The following NUBP1 variants were observed in gnomAD, a reference collection of about 807,000 sequenced individuals.
NUBP1 encodes cytosolic Fe-S cluster assembly factor NUBP1.
NUBP1 carries 46 observed loss-of-function variants against 41.8 expected under a neutral mutation model. That is an observed-to-expected ratio of 1.10 (90% confidence interval 0.87 to 1.41). The LOEUF (loss-of-function observed/expected upper bound fraction) is 1.41. NUBP1 is among the 40% of genes most tolerant of loss of function. The pLI, the probability that NUBP1 is intolerant of heterozygous loss-of-function variation, is 0.00. For synonymous variants in NUBP1, 189 were observed against 154.6 expected, an observed-to-expected ratio of 1.22 and a Z score of -1.65; for missense variants, 494 against 414.0, an observed-to-expected ratio of 1.19 and a Z score of -1.68.
At chr16:10,763,293 T>C (rs949612311) in intron 9 of NUBP1, among the ~76,000 whole-genome samples, 2 of 150,700 alleles carry the variant, frequency 1.3e-5, no homozygotes, top group Non-Finnish European at 3.0e-5. Flanking sequence ...CAAGGGGCCG[T>C]GCAGAAAGCG....
intron 9 of NUBP1, among the ~76,000 whole-genome samples, chr16:10,763,062 G>T (rs2030249944): frequency 6.6e-6 from 1 of 152,110 alleles, no homozygotes; most frequent in Non-Finnish European, 1.5e-5. Flanking sequence ...CGGCATCTGA[G>T]GGTCAAGGTT....
rs1231154275 is a variant in NUBP1 at position 10,767,598 on chromosome 16, G to A, written c.821-351G>A. ...TTTATGCCATATCCTTTTGCATTCT[G>A]TACTTTTTTTAACCATGTGCATTCA... On this transcript the variant is annotated intron_variant, in intron 9 of 10. Coordinates refer to ENST00000283027, the MANE Select transcript of NUBP1 (RefSeq NM_002484.4). The surrounding 1 kb of genome is among the most constrained non-coding windows in gnomAD (Gnocchi z 4.6). 4.4e-6 allele frequency: 2 copies of A among 454,990 alleles called. No individual in the cohort carries two copies. The highest frequency in any genetic ancestry group is 3.9e-5 in the Admixed American group (1 of 25,886). The allele number at this position is 454,990 out of a possible 1,614,324, so 28.2% of individuals were successfully genotyped here.
intron 9 of NUBP1, among the ~76,000 whole-genome samples, chr16:10,764,307 A>G (rs1461552449): frequency 2.0e-5 from 3 of 152,004 alleles, no homozygotes; most frequent in Non-Finnish European, 4.4e-5. Context: ...GTATTTGTCT[A>G]TTGGAGCATC....
rs769338852 is a variant in NUBP1, at chr16:10,767,958, G to C, written c.830G>C (p.Cys277Ser). Residue 277 changes from cysteine (C) to serine (S), a missense_variant, in exon 10 of 11, where the codon TGT becomes TCT. Cys to Ser is a moderately radical substitution (Grantham distance 112). Transcript: ENST00000283027. The surrounding 1 kb of genome is among the most constrained non-coding windows in gnomAD (Gnocchi z 4.6). ...TTGTTTCTTTTTTAAGGTAAGAATT[G>C]TGACAAAGGCCAGTCTTTTTTCATT... is the stretch of plus-strand genomic sequence containing the variant. ...VPLDPLIGKN[C>S]DKGQSFFIDA... The C allele has an allele frequency of 6.2e-7, 1 of 1,614,102 alleles. No homozygotes were observed. Among genetic ancestry groups the C allele is most frequent in the Non-Finnish European group, 8.5e-7 (1 of 1,179,994 alleles).
chr16:10,743,900 GC>G lies in NUBP1; in HGVS notation c.19+19del. 6.4e-7 allele frequency: 1 copy of G among 1,572,366 alleles called. No individual in the cohort carries two copies. The highest frequency in any genetic ancestry group is 8.6e-7 in the Non-Finnish European group (1 of 1,160,794). The stretch of plus-strand genomic sequence containing the variant: ...GCCTCACGGTAAGCTCGCGGAGGGG[GC>G]GTGGGTCGCGGGGCGAAAGTGTCGG... On this transcript the variant is annotated intron_variant, in intron 1 of 10. Coordinates refer to ENST00000283027, the MANE Select transcript of NUBP1 (RefSeq NM_002484.4).
Position 10,759,599 on chromosome 16 carries a change from C to A in NUBP1, c.606+1572C>A, listed in dbSNP as rs1032396264. 7.9e-5 allele frequency among the ~76,000 whole-genome samples: 12 copies of A among 152,092 alleles called. No homozygotes were observed. The highest frequency in any genetic ancestry group is 1.3e-4 in the Non-Finnish European group (9 of 68,018). On this transcript the variant is annotated intron_variant, in intron 7 of 10. Coordinates refer to ENST00000283027, the MANE Select transcript of NUBP1 (RefSeq NM_002484.4). This position sits in a 1 kb window ranked among gnomAD's most constrained non-coding sequence, Gnocchi z 4.7. ...GACCAGACTGGCCAATATGGCAAAA[C>A]CCTGTCTCTACCAAAAAAATACAAA... is the stretch of plus-strand genomic sequence containing the variant.
At chr16:10,761,904 C>T in intron 9 of NUBP1, 45 bp downstream of exon 9, 2 of 1,482,738 alleles carry the variant, frequency 1.3e-6, no homozygotes, top group Non-Finnish European at 1.9e-6. Flanking sequence ...CTCGGTCAGC[C>T]CCACAGGCAC....
At position 10,766,485 on chromosome 16, in the gene NUBP1, G is replaced by A. The variant is rs1302594914; in HGVS notation, c.821-1464G>A. ...CCCTCTGGGGAAGGGAGACCTGGGT[G>A]AAAGTCAGGGACAGAAAGTAGCCCC... On this transcript the variant is annotated intron_variant, in intron 9 of 10. Transcript: ENST00000283027. The surrounding 1 kb of genome is among the most constrained non-coding windows in gnomAD (Gnocchi z 4.8). Among the ~76,000 whole-genome samples the A allele has an allele frequency of 4.6e-5, 7 of 152,172 alleles. No individual in the cohort carries two copies. The highest frequency in any genetic ancestry group is 1.0e-4 in the Non-Finnish European group (7 of 68,018).
chr16:10,755,777 A>G (rs1418776306), intron 5 of NUBP1, 24 bp downstream of exon 5: 1 of 1,611,924 alleles, frequency 6.2e-7, no homozygotes, highest in Non-Finnish European at 8.5e-7. Flanking sequence ...TCTTTGCCCT[A>G]TTTTCACAGT....
chr16:10,763,286 G>A (rs1311714952), intron 9 of NUBP1, among the ~76,000 whole-genome samples: 1 of 152,078 alleles, frequency 6.6e-6, no homozygotes, highest in Non-Finnish European at 1.5e-5. Flanking sequence ...GGATTGCCAA[G>A]GGGCCGTGCA....
In NUBP1 at chr16:10,759,731, G is replaced by A. The variant is rs1419816456; in HGVS notation, c.607-1633G>A. 5.9e-5 allele frequency among the ~76,000 whole-genome samples: 9 copies of A among 152,176 alleles called. No individual in the cohort carries two copies. The East Asian group carries it at 9.6e-4, about 16-fold the overall frequency. On this transcript the variant is annotated intron_variant, in intron 7 of 10. Coordinates refer to ENST00000283027, the MANE Select transcript of NUBP1 (RefSeq NM_002484.4). This position sits in a 1 kb window ranked among gnomAD's most constrained non-coding sequence, Gnocchi z 4.7. The stretch of plus-strand genomic sequence containing the variant: ...ACAGAGGTTGCAGTGAGCCGAGATC[G>A]CGCCACTGCACTCCAGCCTGGGCGA...
At chr16:10,763,297 G>A (rs942556691) in intron 9 of NUBP1, among the ~76,000 whole-genome samples, 1 of 152,056 alleles carries the variant, frequency 6.6e-6, no homozygotes, top group Non-Finnish European at 1.5e-5. Flanking sequence ...GGGCCGTGCA[G>A]AAAGCGGGAG....
intron 6 of NUBP1, 39 bp downstream of exon 6, chr16:10,756,819 C>A: frequency 6.5e-7 from 1 of 1,542,776 alleles, no homozygotes; most frequent in Non-Finnish European, 8.8e-7. Flanking sequence ...CACATTCTTC[C>A]ACGAGCGTTG....
At position 10,765,487 on chromosome 16, in the gene NUBP1, G is replaced by C. The variant is rs578099262; in HGVS notation, c.821-2462G>C. Among the ~76,000 whole-genome samples, 1 of 152,016 alleles carries C rather than the reference G, an allele frequency of 6.6e-6. No homozygotes were observed. The highest frequency in any genetic ancestry group is 1.9e-4 in the East Asian group (1 of 5,194). ...CACACCACTGCACTCCAGCCTGGGC[G>C]ACAGAGCAAGAACCTGTCTCAAAAA... On this transcript the variant is annotated intron_variant, in intron 9 of 10. Transcript: ENST00000283027. This position sits in a 1 kb window ranked among gnomAD's most constrained non-coding sequence, Gnocchi z 4.0.
In NUBP1 at chr16:10,752,636, T is replaced by G; in HGVS notation, c.285T>G (p.Cys95Trp). The part of the protein sequence containing the change: ...TQIALLDIDI[C>W]GPSIPKIMGL... The stretch of plus-strand genomic sequence containing the variant: ...TTGCTCTTCTAGACATCGATATATG[T>G]GGGCCATCGATTCCCAAGATAATGG... Residue 95 changes from cysteine (C) to tryptophan (W), a missense_variant, in exon 4 of 11, where the codon TGT (cysteine) becomes TGG (tryptophan). Coordinates refer to ENST00000283027, the MANE Select transcript of NUBP1 (RefSeq NM_002484.4). The G allele has an allele frequency of 6.2e-7, 1 of 1,613,848 alleles. No homozygotes were observed. The highest frequency in any genetic ancestry group is 8.5e-7 in the Non-Finnish European group (1 of 1,179,798).
chr16:10,752,633 A>T lies in NUBP1; in HGVS notation c.282A>T (p.Ile94=). ...AGATTGCTCTTCTAGACATCGATAT[A>T]TGTGGGCCATCGATTCCCAAGATAA... ...NTQIALLDID[I]CGPSIPKIMG... is the part of the protein sequence containing the mutation. Residue 94 remains isoleucine (I), a synonymous_variant, in exon 4 of 11, where the codon ATA becomes ATT. Transcript: ENST00000283027. 1.2e-6 allele frequency: 2 copies of T among 1,613,700 alleles called. No homozygotes were observed. The highest frequency in any genetic ancestry group is 1.7e-6 in the Non-Finnish European group (2 of 1,179,714).
intron 7 of NUBP1, among the ~76,000 whole-genome samples, chr16:10,758,948 G>A (rs781495892): frequency 2.0e-5 from 3 of 152,184 alleles, no homozygotes; most frequent in African/African-American, 4.8e-5. Context: ...GCAACTGCAG[G>A]CAGGACCATG....
At chr16:10,743,923 T>G (rs1476608243) in intron 1 of NUBP1, 38 bp from the exon 2 acceptor site, 1 of 1,582,028 alleles carries the variant, frequency 6.3e-7, no homozygotes, top group East Asian at 2.3e-5. Flanking sequence ...GGCGAAAGTG[T>G]CGGGAGCTGC....
At position 10,768,963 on chromosome 16, in the gene NUBP1, AAC is replaced by A. The variant is rs1425664303; in HGVS notation, c.905-80_905-79del. The A allele has an allele frequency of 2.4e-6, 3 of 1,256,792 alleles. No individual in the cohort carries two copies. The highest frequency in any genetic ancestry group is 3.5e-6 in the Non-Finnish European group (3 of 864,216). 77.9% of individuals were successfully genotyped at this position (1,256,792 alleles called of 1,614,324 possible). Reference sequence around the variant, plus strand: ...AGCCAGAGGATTCCACCCCTGTCAAAACACAGCCCTCCCCAGCACAGGACAGG... The same window carrying A: ...AGCCAGAGGATTCCACCCCTGTCAAAACAGCCCTCCCCAGCACAGGACAGG... On this transcript the variant is annotated intron_variant, in intron 10 of 10. Transcript: ENST00000283027. The surrounding 1 kb of genome is among the most constrained non-coding windows in gnomAD (Gnocchi z 4.3).
Sources: gnomAD v4.1 joint callset for allele counts (sites outside exome capture counted in the v4.1 genomes callset) on GRCh38, gnomAD v4.1.1 for gene constraint, Gnocchi (gnomAD v3.1) non-coding constraint, MANE v1.5 for transcripts, NCBI Gene and HGNC (gene_info 2026-07-23, HGNC 2026-07-21) for gene names.